USP25: variants seen among roughly 807,000 people sequenced by gnomAD.
USP25 encodes the protein ubiquitin specific peptidase 25.
Under a neutral mutation model 158.5 loss-of-function variants are expected in USP25, and 85 were observed. The ratio of observed to expected loss-of-function variants is 0.54; its 90% CI spans 0.45 to 0.64. The LOEUF is 0.64. Ranked by LOEUF, USP25 falls within the 30% of genes least tolerant of loss-of-function variation. The pLI, the probability that USP25 is intolerant of heterozygous loss-of-function variation, is 0.00. For synonymous variants in USP25, 464 were observed against 460.4 expected (o/e 1.01, Z -0.10); for missense variants, 1,242 against 1,327.3 (o/e 0.94, Z 1.00).
intron 10 of USP25, among the ~76,000 whole-genome samples, chr21:15,819,215 G>A (rs1245635307): frequency 6.6e-6 from 1 of 152,160 alleles, no homozygotes; most frequent in African/African-American, 2.4e-5. Flanking sequence ...TATATCAACT[G>A]TTATTGGAAT....
At chr21:15,803,839 C>A (rs776512303) in intron 6 of USP25, among the ~76,000 whole-genome samples, 12 of 151,832 alleles carry the variant, frequency 7.9e-5, no homozygotes, top group Non-Finnish European at 1.5e-5. Context: ...TTACCTATTT[C>A]TCAGGACTCT....
chr21:15,822,785 A>G (rs1017545750), intron 10 of USP25, among the ~76,000 whole-genome samples: 1 of 152,028 alleles, frequency 6.6e-6, no homozygotes, highest in African/African-American at 2.4e-5. Flanking sequence ...TTGCTAATCA[A>G]ATTTTAAAAC....
intron 15 of USP25, among the ~76,000 whole-genome samples, chr21:15,831,134 A>G (rs1165070053): frequency 1.3e-5 from 2 of 152,224 alleles, no homozygotes; most frequent in South Asian, 4.1e-4. Flanking sequence ...GCCAATGAGT[A>G]TGTACACAAT....
chr21:15,791,732 G>GT, intron 5 of USP25, 68 bp downstream of exon 5: 1 of 1,500,120 alleles, frequency 6.7e-7, no homozygotes, highest in South Asian at 1.4e-5. Flanking sequence ...AGTTGGTTGT[G>GT]TTTAAGTTGT....
chr21:15,782,592 A>G (rs1239600139), intron 4 of USP25, among the ~76,000 whole-genome samples: 1 of 152,160 alleles, frequency 6.6e-6, no homozygotes, highest in African/African-American at 2.4e-5. Context: ...CACCACAGTC[A>G]TGGGCTTCTG....
Position 15,818,824 on chromosome 21 carries a change from A to G in USP25, c.1058A>G (p.Asn353Ser). The change falls in exon 10 of 26, where the codon AAT becomes AGT. Residue 353 changes from asparagine to serine, a missense_variant. By Grantham distance (46) the Asn-to-Ser change is conservative. This residue lies in a region of USP25 where 627 missense variants were observed against 701.4 expected (regional missense o/e 0.89). Coordinates refer to ENST00000400183, the MANE Select transcript of USP25 (RefSeq NM_001283041.3). The part of the protein sequence containing the change: ...EGEIESLHSE[N>S]SGKSGQEHWF... Reference sequence around the variant, plus strand: ...GAAATTGAGTCTTTACATTCAGAGAATTCAGGAAAATCAGGCCAAGAGGTG... The same window carrying G: ...GAAATTGAGTCTTTACATTCAGAGAGTTCAGGAAAATCAGGCCAAGAGGTG... 1.2e-6 allele frequency: 2 copies of G among 1,613,758 alleles called. No homozygotes were observed. The highest frequency in any genetic ancestry group is 1.7e-6 in the Non-Finnish European group (2 of 1,179,770).
chr21:15,730,976 G>GTTTTTTTTTTTT lies in USP25; in HGVS notation c.45+552_45+563dup, dbSNP rs748732727. Among the ~76,000 whole-genome samples, 7 of 53,648 alleles carry GTTTTTTTTTTTT rather than the reference G, an allele frequency of 1.3e-4. 1 individual carries two copies. Among genetic ancestry groups the GTTTTTTTTTTTT allele is most frequent in the African/African-American group, 2.7e-4 (4 of 14,572 alleles). 35.2% of individuals were successfully genotyped at this position (53,648 alleles called of 152,430 possible). ...TTTCCCTTTCTTCTTCTTCTTTTCT[G>GTTTTTTTTTTTT]TTTTTTTTTTTTTTTTTTTTTTTTT... On this transcript the variant is annotated intron_variant, in intron 1 of 25. Coordinates refer to ENST00000400183, the MANE Select transcript of USP25 (RefSeq NM_001283041.3).
chr21:15,821,305 CAT>C lies in USP25; in HGVS notation c.1080+2461_1080+2462del, dbSNP rs200913450. On this transcript the variant is annotated intron_variant, in intron 10 of 25. Transcript: ENST00000400183. Reference sequence around the variant, plus strand: ...TGTTTTTAAAATCTACATAGTGTCACATAGTCTGTATTTATAAAATTAAATTG... The same window carrying C: ...TGTTTTTAAAATCTACATAGTGTCACAGTCTGTATTTATAAAATTAAATTG... 1.7e-3 allele frequency among the ~76,000 whole-genome samples: 254 copies of C among 152,078 alleles called. 3 individuals carry two copies. The East Asian group carries it at 0.025, about 15-fold the overall frequency.
chr21:15,861,726 A>G (rs1257003518), intron 20 of USP25, among the ~76,000 whole-genome samples: 1 of 152,102 alleles, frequency 6.6e-6, no homozygotes, highest in Non-Finnish European at 1.5e-5. Flanking sequence ...TGTATGTTTG[A>G]AAAACAGCTT....
rs1255175293 is a variant in USP25, at chr21:15,766,598, G to A, written c.268+457G>A. Among the ~76,000 whole-genome samples, 2 of 151,888 alleles carry A rather than the reference G, an allele frequency of 1.3e-5. No homozygotes were observed. Among genetic ancestry groups the A allele is most frequent in the Non-Finnish European group, 2.9e-5 (2 of 67,936 alleles). ...CTTTGGCAAAGAAGTTTATTATTGT[G>A]TAATGAAATTGCCTTTCATCCAAAA... On this transcript the variant is annotated intron_variant, in intron 3 of 25. Coordinates refer to ENST00000400183, the MANE Select transcript of USP25 (RefSeq NM_001283041.3). This position sits in a 1 kb window ranked among gnomAD's most constrained non-coding sequence, Gnocchi z 4.0.
chr21:15,745,722 C>T (rs560917161), intron 1 of USP25, among the ~76,000 whole-genome samples: 43 of 152,142 alleles, frequency 2.8e-4, no homozygotes, highest in East Asian at 1.7e-3. Context: ...GTGATCCGCC[C>T]GCCTCGGTCT....
intron 23 of USP25, among the ~76,000 whole-genome samples, chr21:15,872,537 T>G (rs1305888129): frequency 6.6e-6 from 1 of 152,228 alleles, no homozygotes; most frequent in Non-Finnish European, 1.5e-5. Flanking sequence ...AACGAACTAC[T>G]ACAACTTAAT....
Position 15,826,614 on chromosome 21 carries a change from G to T in USP25, c.1466+249G>T, listed in dbSNP as rs867052340. On this transcript the variant is annotated intron_variant, in intron 13 of 25. Coordinates refer to ENST00000400183, the MANE Select transcript of USP25 (RefSeq NM_001283041.3). This position sits in a 1 kb window ranked among gnomAD's most constrained non-coding sequence, Gnocchi z 4.8. Reference sequence around the variant, plus strand: ...TCAGAATTATACTTTAGCATGTTTTGGTATGTACATATATAAGATTCAGCA... The same window carrying T: ...TCAGAATTATACTTTAGCATGTTTTTGTATGTACATATATAAGATTCAGCA... 4.0e-5 allele frequency among the ~76,000 whole-genome samples: 6 copies of T among 151,606 alleles called. No homozygotes were observed. Among genetic ancestry groups the T allele is most frequent in the African/African-American group, 1.5e-4 (6 of 41,240 alleles).
At chr21:15,758,217 T>A (rs1186151164) in intron 1 of USP25, among the ~76,000 whole-genome samples, 1 of 152,190 alleles carries the variant, frequency 6.6e-6, no homozygotes, top group African/African-American at 2.4e-5. Flanking sequence ...ACTACTTTCT[T>A]AATGGAAGGA....
At chr21:15,820,674 A>G (rs73892546) in intron 10 of USP25, among the ~76,000 whole-genome samples, 2,486 of 152,126 alleles carry the variant, frequency 0.016, 57 homozygotes, top group African/African-American at 0.055. Context: ...TAGTCTTATT[A>G]TATCCTTTAG....
intron 17 of USP25, among the ~76,000 whole-genome samples, chr21:15,840,416 C>T (rs1281074434): frequency 1.3e-5 from 2 of 151,664 alleles, no homozygotes; most frequent in Non-Finnish European, 2.9e-5. Flanking sequence ...TTTTTAATAC[C>T]TAATATAGTA....
chr21:15,866,272 C>T lies in USP25; in HGVS notation c.2733C>T (p.His911=). Residue 911 remains histidine (H), a synonymous_variant, in exon 22 of 26, where the codon CAC becomes CAT. Transcript: ENST00000400183. ...DRNLSFDERC[H]NIMKVAQAKL... is the part of the protein sequence containing the mutation. Reference sequence around the variant, plus strand: ...GTATGTGTTTTTTTTTAAGGTGTCACAACATAATGAAAGTTGCTCAAGCCA... The same window carrying T: ...GTATGTGTTTTTTTTTAAGGTGTCATAACATAATGAAAGTTGCTCAAGCCA... 1 of 1,600,060 alleles carries T rather than the reference C, an allele frequency of 6.2e-7. No individual in the cohort carries two copies. The highest frequency in any genetic ancestry group is 8.5e-7 in the Non-Finnish European group (1 of 1,173,326).
At chr21:15,730,766 A>G (rs1188678210) in intron 1 of USP25, among the ~76,000 whole-genome samples, 1 of 152,176 alleles carries the variant, frequency 6.6e-6, no homozygotes, top group Non-Finnish European at 1.5e-5. Flanking sequence ...CCCTTAAATG[A>G]GAAAGAATAG....
chr21:15,767,721 G>A (rs911040459), intron 3 of USP25, among the ~76,000 whole-genome samples: 2 of 151,970 alleles, frequency 1.3e-5, no homozygotes, highest in Non-Finnish European at 1.5e-5. Context: ...AATGCTCCTG[G>A]TTTAAGTGAA....
Sources: allele counts gnomAD v4.1 joint callset (sites outside exome capture counted in the v4.1 genomes callset), GRCh38; gene constraint gnomAD v4.1.1; regional missense constraint gnomAD v4.1.1; non-coding constraint Gnocchi (gnomAD v3.1); transcripts MANE v1.5; gene names NCBI Gene and HGNC (gene_info 2026-07-23, HGNC 2026-07-21).